TTN: variants seen among roughly 807,000 people sequenced by gnomAD.
TTN encodes connectin.
In TTN, 1,525 loss-of-function variants were observed where a neutral mutation model predicts 3,223.0. The observed-to-expected ratio is 0.47, with a 90% CI of 0.45 to 0.49. The LOEUF is 0.49. TTN is among the 20% of genes least tolerant of loss of function. TTN has a pLI of 0.00. For synonymous variants in TTN, 14,094 were observed against 15,161.0 expected, an observed-to-expected ratio of 0.93 and a Z score of 5.17; for missense variants, 40,786 against 43,424.0, an observed-to-expected ratio of 0.94 and a Z score of 5.40.
At chr2:178,713,050 G>A (rs1417887691) in intron 93 of TTN, 35 bp downstream of exon 93, 1 of 1,606,630 alleles carries the variant, frequency 6.2e-7, no homozygotes, top group Non-Finnish European at 8.5e-7. Flanking sequence ...AATAAACTAT[G>A]AAATGCAATT....
rs757958768 is a variant in TTN, at chr2:178,574,631, T to G, written c.71501A>C (p.Gln23834Pro). 4 of 1,613,034 alleles carry G rather than the reference T, an allele frequency of 2.5e-6. No individual in the cohort carries two copies. The highest frequency in any genetic ancestry group is 3.4e-6 in the Non-Finnish European group (4 of 1,179,354). ...TGAATCCTTGGTAACTGCAGTTACCTGAGGGGTACCAGGAGGTCCAGGAAC... is the reference window on the plus strand; with the variant it reads ...TGAATCCTTGGTAACTGCAGTTACCGGAGGGGTACCAGGAGGTCCAGGAAC... ...FKVPGPPGTPQVTAVTKDSMT... is the reference protein window; with the variant it reads ...FKVPGPPGTPPVTAVTKDSMT... The change falls in exon 326 of 363, where the codon CAG becomes CCG. Residue 23834 changes from glutamine (Q) to proline (P), a missense_variant. Physicochemically the swap from Gln to Pro is moderately conservative, Grantham distance 76 (BLOSUM62 -1). Coordinates refer to ENST00000589042, the MANE Select transcript of TTN (RefSeq NM_001267550.2).
chr2:178,678,006 G>A, intron 145 of TTN, 89 bp from the exon 146 acceptor site: 1 of 1,557,902 alleles, frequency 6.4e-7, no homozygotes, highest in Non-Finnish European at 8.7e-7. Context: ...CAAATATTCT[G>A]TGATCACAAA....
rs770404461 is a variant in TTN at position 178,612,147 on chromosome 2, G to C, written c.50264C>G (p.Pro16755Arg). 1 of 1,611,094 alleles carries C rather than the reference G, an allele frequency of 6.2e-7. No individual in the cohort carries two copies. Among genetic ancestry groups the C allele is most frequent in the East Asian group, 2.2e-5 (1 of 44,478 alleles). Residue 16755 changes from proline to arginine, a missense_variant, in exon 267 of 363, where the codon CCC (proline) becomes CGC (arginine). Pro to Arg is a moderately radical substitution (Grantham distance 103, BLOSUM62 -2). Coordinates refer to ENST00000589042, the MANE Select transcript of TTN (RefSeq NM_001267550.2). ...CACATCAACCACTGCCAGGGCGTAG[G>C]GTGGTCCAGGAGTGGCTGAAAATAA... ...AKDTFTTPGP[P>R]YALAVVDVTK...
At chr2:178,708,793 C>A (rs1282266301) in intron 99 of TTN, among the ~76,000 whole-genome samples, 2 of 152,164 alleles carry the variant, frequency 1.3e-5, no homozygotes, top group Admixed American at 1.3e-4. Context: ...TAATAACTTA[C>A]TACCTGTGCA....
Position 178,756,607 on chromosome 2 carries a change from T to G in TTN, c.10869A>C (p.Thr3623=). ...ACTGTGTATCTTGAACAGATGCAGCTGTGTGGATGGAACTTTGAGATACAC... is the reference window on the plus strand; with the variant it reads ...ACTGTGTATCTTGAACAGATGCAGCGGTGTGGATGGAACTTTGAGATACAC... ...FESVSQSSIH[T]AASVQDTQLC... is the part of the protein sequence containing the mutation. Residue 3623 remains threonine, a synonymous_variant, in exon 46 of 363, where the codon ACA becomes ACC. Transcript: ENST00000589042. 6.2e-7 allele frequency: 1 copy of G among 1,613,562 alleles called. No individual in the cohort carries two copies. The highest frequency in any genetic ancestry group is 8.5e-7 in the Non-Finnish European group (1 of 1,179,652).
chr2:178,677,543 C>T (rs577277259), intron 146 of TTN, 78 bp downstream of exon 146: 436 of 1,412,758 alleles, frequency 3.1e-4, no homozygotes, highest in Non-Finnish European at 3.8e-4. Context: ...ATAGATAAAA[C>T]TGGAGATGAA....
In TTN at chr2:178,607,522, G is replaced by A. The variant is rs371730757; in HGVS notation, c.53166C>T (p.Asn17722=). ...TAATTAGTTCAGATTTGGTTCCAACGTTGTCTATTACAACACGGTCTTTAT... is the reference window on the plus strand; with the variant it reads ...TAATTAGTTCAGATTTGGTTCCAACATTGTCTATTACAACACGGTCTTTAT... ...ELDKDRVVID[N]VGTKSELIIK... The change falls in exon 277 of 363, where the codon AAC becomes AAT. Residue 17722 remains asparagine, a synonymous_variant. Coordinates refer to ENST00000589042, the MANE Select transcript of TTN (RefSeq NM_001267550.2). 2.8e-5 allele frequency: 45 copies of A among 1,613,038 alleles called. No individual in the cohort carries two copies. The Admixed American group carries it at 3.8e-4, about 14-fold the overall frequency.
Position 178,773,828 on chromosome 2 carries a change from T to C in TTN, c.7330+10A>G. 1 of 1,614,048 alleles carries C rather than the reference T, an allele frequency of 6.2e-7. No homozygotes were observed. Among genetic ancestry groups the C allele is most frequent in the South Asian group, 1.1e-5 (1 of 91,078 alleles). On this transcript the variant is annotated intron_variant, in intron 31 of 362. Transcript: ENST00000589042. ...TAGTGTAAACATAAAATTTTATAAT[T>C]AGGACTCACTATAGACAGAGACACG... is the stretch of plus-strand genomic sequence containing the variant.
rs758555862 is a variant in TTN, at chr2:178,527,087, T to A, written c.107901A>T (p.Gly35967=). 3 of 1,613,964 alleles carry A rather than the reference T, an allele frequency of 1.9e-6. No homozygotes were observed. Among genetic ancestry groups the A allele is most frequent in the Non-Finnish European group, 2.5e-6 (3 of 1,179,858 alleles). Residue 35967 remains glycine (G), a synonymous_variant, in exon 363 of 363, where the codon GGA becomes GGT. Transcript: ENST00000589042. ...CATTCCCTAAACTCAGGGTATAAAG[T>A]CCACCATCTTGTTTCTGTACGTCCA... ...IIMDVQKQDG[G]LYTLSLGNEF...
At position 178,773,301 on chromosome 2, in the gene TTN, C is replaced by T; in HGVS notation, c.7663G>A (p.Glu2555Lys). ...ACATCAATTCCAGAGTGGGACAGCT[C>T]AACCTCAAACACCACATTTTGAGTT... ...TETQNVVFEV[E>K]LSHSGIDVLW... The change falls in exon 33 of 363, where the codon GAG becomes AAG. Residue 2555 changes from glutamate (E) to lysine (K), a missense_variant. Physicochemically the swap from Glu to Lys is moderately conservative, Grantham distance 56. Coordinates refer to ENST00000589042, the MANE Select transcript of TTN (RefSeq NM_001267550.2). 1 of 1,613,932 alleles carries T rather than the reference C, an allele frequency of 6.2e-7. No homozygotes were observed. Among genetic ancestry groups the T allele is most frequent in the Non-Finnish European group, 8.5e-7 (1 of 1,179,948 alleles).
rs752047009 is a variant in TTN at position 178,751,443 on chromosome 2, T to G, written c.11311+1681A>C. On this transcript the variant is annotated intron_variant, in intron 47 of 362. Coordinates refer to ENST00000589042, the MANE Select transcript of TTN (RefSeq NM_001267550.2). ...GTCTTAAAATGTATAGTTCTCATCA[T>G]TCCCTTTTGTTCCACATCTTGTTTT... The G allele has an allele frequency of 3.1e-6, 5 of 1,613,078 alleles. No homozygotes were observed. The East Asian group carries it at 1.1e-4, about 36-fold the overall frequency.
At chr2:178,529,916 A>T (rs1688309928) in intron 359 of TTN, 44 bp downstream of exon 359, 2 of 1,560,372 alleles carry the variant, frequency 1.3e-6, no homozygotes, top group South Asian at 2.5e-5. Context: ...TTTCCCTAAT[A>T]TTATCTTCTG....
Position 178,549,263 on chromosome 2 carries a change from C to T in TTN, c.92363G>A (p.Gly30788Asp), listed in dbSNP as rs754125601. The part of the protein sequence containing the change: ...TRFKVTGLTE[G>D]NEYEFHVMAE... ...CATGACATGGAATTCATACTCATTG[C>T]CTTCTGTCAGACCAGTGACTTTGAA... Residue 30788 changes from glycine (G) to aspartate (D), a missense_variant, in exon 339 of 363, where the codon GGC (glycine) becomes GAC (aspartate). Physicochemically the swap from Gly to Asp is moderately conservative, Grantham distance 94. Coordinates refer to ENST00000589042, the MANE Select transcript of TTN (RefSeq NM_001267550.2). The T allele has an allele frequency of 1.1e-5, 17 of 1,613,768 alleles. No individual in the cohort carries two copies. In the Admixed American group the frequency reaches 2.0e-4, roughly 19 times the overall value.
intron 103 of TTN, 78 bp from the exon 104 acceptor site, chr2:178,705,044 C>T: frequency 6.3e-7 from 1 of 1,580,220 alleles, no homozygotes; most frequent in Non-Finnish European, 8.6e-7. Context: ...ATTCAGCTTC[C>T]ATTCTGGATG....
At chr2:178,584,615 T>A (rs2048525108) in intron 310 of TTN, 37 bp from the exon 311 acceptor site, 2 of 1,610,390 alleles carry the variant, frequency 1.2e-6, no homozygotes, top group South Asian at 2.2e-5. Flanking sequence ...AGTTTCTACA[T>A]TAAGTAACAA....
chr2:178,642,227 A>C lies in TTN; in HGVS notation c.40558+10T>G. 1.3e-6 allele frequency: 2 copies of C among 1,569,974 alleles called. No individual in the cohort carries two copies. Among genetic ancestry groups the C allele is most frequent in the South Asian group, 2.4e-5 (2 of 84,270 alleles). Reference sequence around the variant, plus strand: ...CTTAACGCTGACAGAATGGTTGAAAAATACTATACCGCTTTTCAGAACAAC... The same window carrying C: ...CTTAACGCTGACAGAATGGTTGAAACATACTATACCGCTTTTCAGAACAAC... On this transcript the variant is annotated intron_variant, in intron 219 of 362. Transcript: ENST00000589042.
At position 178,601,124 on chromosome 2, in the gene TTN, T is replaced by G; in HGVS notation, c.55780A>C (p.Asn18594His). Residue 18594 changes from asparagine to histidine, a missense_variant, in exon 288 of 363, where the codon AAC becomes CAC. Physicochemically the swap from Asn to His is moderately conservative, Grantham distance 68. Coordinates refer to ENST00000589042, the MANE Select transcript of TTN (RefSeq NM_001267550.2). ...GGTTTCCATGACAGATGCACTGTGTTCTTTGTGATGAGGCCAATCTTGAGT... is the reference window on the plus strand; with the variant it reads ...GGTTTCCATGACAGATGCACTGTGTGCTTTGTGATGAGGCCAATCTTGAGT... ...IKLKIGLITK[N>H]TVHLSWKPPK... 6.4e-7 allele frequency: 1 copy of G among 1,571,610 alleles called. No homozygotes were observed. The highest frequency in any genetic ancestry group is 8.6e-7 in the Non-Finnish European group (1 of 1,160,990).
intron 146 of TTN, 57 bp from the exon 147 acceptor site, chr2:178,677,344 A>ATATATATATATATATATATG: frequency 2.2e-6 from 1 of 459,944 alleles, no homozygotes; most frequent in Admixed American, 5.3e-5. Flanking sequence ...TCATATATAT[A>ATATATATATATATATATATG]TATATATATA....
Position 178,615,723 on chromosome 2 carries a change from T to TA in TTN, c.48377dup (p.Leu16126PhefsTer3). On this transcript the variant is annotated frameshift_variant, in exon 258 of 363. Coordinates refer to ENST00000589042, the MANE Select transcript of TTN (RefSeq NM_001267550.2). LOFTEE classifies it high-confidence loss of function. ...ATTTGTTACGAGCACAAACTTTAAA[T>TA]AAGTACTCTTTTCCTTGAACAAGAT... is the stretch of plus-strand genomic sequence containing the variant. 6.2e-7 allele frequency: 1 copy of TA among 1,612,074 alleles called. No individual in the cohort carries two copies. The highest frequency in any genetic ancestry group is 8.5e-7 in the Non-Finnish European group (1 of 1,178,608).
Sources: allele counts gnomAD v4.1 joint callset (sites outside exome capture counted in the v4.1 genomes callset), GRCh38; gene constraint gnomAD v4.1.1; transcripts MANE v1.5; gene names NCBI Gene and HGNC (gene_info 2026-07-23, HGNC 2026-07-21).